Variants in GPR149 observed in about 807,000 individuals in gnomAD.
GPR149 encodes the protein probable G protein-coupled receptor 149.
GPR149 carries 50 observed loss-of-function variants against 50.2 expected under a neutral mutation model. The ratio of observed to expected loss-of-function variants is 1.00; its 90% CI spans 0.79 to 1.26. GPR149 has a LOEUF of 1.26. Ranked by LOEUF, GPR149 falls within the 50% of genes most tolerant of loss-of-function variation. The pLI, the probability that GPR149 is intolerant of heterozygous loss-of-function variation, is 0.00. For synonymous variants in GPR149, 405 were observed against 358.2 expected, an observed-to-expected ratio of 1.13 and a Z score of -1.48; for missense variants, 983 against 895.4, an observed-to-expected ratio of 1.10 and a Z score of -1.25.
At chr3:154,351,220 C>T (rs1714068814) in intron 3 of GPR149, among the ~76,000 whole-genome samples, 1 of 143,082 alleles carries the variant, frequency 7.0e-6, no homozygotes, top group Non-Finnish European at 1.5e-5. Flanking sequence ...TCAAATATAC[C>T]CAACTGACTT....
In GPR149 at chr3:154,429,832, A is replaced by C; in HGVS notation, c.-217T>G. 2.4e-6 allele frequency: 1 copy of C among 425,344 alleles called. No homozygotes were observed. Among genetic ancestry groups the C allele is most frequent in the Non-Finnish European group, 4.1e-6 (1 of 242,540 alleles). The allele number at this position is 425,344 out of a possible 1,614,324, so 26.3% of individuals were successfully genotyped here. Reference sequence around the variant, plus strand: ...TTCCATTTCAAGCATAAAAAAAAAAAAACCCGAACAGATAACTTTTCAACA... The same window carrying C: ...TTCCATTTCAAGCATAAAAAAAAAACAACCCGAACAGATAACTTTTCAACA... On this transcript the variant is annotated 5_prime_UTR_variant, in exon 1 of 4. Transcript: ENST00000389740.
rs1713643353 is a variant in GPR149 at position 154,335,784 on chromosome 3, C to T, written c.*1915G>A. 6.6e-6 allele frequency: 1 copy of T among 150,388 alleles called. No individual in the cohort carries two copies. Among genetic ancestry groups the T allele is most frequent in the African/African-American group, 2.5e-5 (1 of 39,834 alleles). 9.3% of individuals were successfully genotyped at this position (150,388 alleles called of 1,614,324 possible). On this transcript the variant is annotated 3_prime_UTR_variant, in exon 4 of 4. Transcript: ENST00000389740. ...GTGCAGTTATAAAGAATTTGTTTGC[C>T]TTCAAATCTTTGCTATTTTCTTCAG...
At chr3:154,351,338 A>T (rs1310916652) in intron 3 of GPR149, among the ~76,000 whole-genome samples, 3 of 149,004 alleles carry the variant, frequency 2.0e-5, no homozygotes, top group Non-Finnish European at 4.5e-5. Flanking sequence ...AAAAAAAAAA[A>T]AAAAAAATAA....
intron 3 of GPR149, among the ~76,000 whole-genome samples, chr3:154,372,233 G>C (rs789298): frequency 0.7 from 100,221 of 142,490 alleles, 34,847 homozygotes; most frequent in South Asian, 0.79. Context: ...ACTTACTTTG[G>C]TCCTGGATGA....
In GPR149 at chr3:154,421,038, C is replaced by T. The variant is rs1712127817; in HGVS notation, c.1623+1G>A. 3 of 1,590,834 alleles carry T rather than the reference C, an allele frequency of 1.9e-6. No individual in the cohort carries two copies. The highest frequency in any genetic ancestry group is 2.6e-6 in the Non-Finnish European group (3 of 1,169,368). ...AACAGCAAGAACAACTTTTACTGTA[C>T]CTGACGAGGGGTTCTTTCTGATTTA... On this transcript the variant is annotated splice_donor_variant, in intron 3 of 3. Coordinates refer to ENST00000389740, the MANE Select transcript of GPR149 (RefSeq NM_001038705.3). LOFTEE classifies it high-confidence loss of function.
chr3:154,426,418 T>C (rs1164369579), intron 2 of GPR149, among the ~76,000 whole-genome samples: 1 of 152,192 alleles, frequency 6.6e-6, no homozygotes, highest in South Asian at 2.1e-4. Context: ...CTCTAGATTT[T>C]GCAACCCTAA....
rs1335341362 is a variant in GPR149 at position 154,418,321 on chromosome 3, A to C, written c.1623+2718T>G. 4.8e-5 allele frequency among the ~76,000 whole-genome samples: 5 copies of C among 104,040 alleles called. No homozygotes were observed. In the East Asian group the frequency reaches 9.6e-4, roughly 20 times the overall value. 68.3% of individuals were successfully genotyped at this position (104,040 alleles called of 152,430 possible). A position where few individuals can be genotyped will look rare whatever the true frequency, so the allele number is the denominator to read the frequency against. On this transcript the variant is annotated intron_variant, in intron 3 of 3. Transcript: ENST00000389740. The stretch of plus-strand genomic sequence containing the variant: ...CCAGCCATCCCATTACTGGGTATAT[A>C]CCCAAAGGACTATAAATCATGCTGC...
chr3:154,416,083 C>T (rs1053328551), intron 3 of GPR149, among the ~76,000 whole-genome samples: 4 of 151,634 alleles, frequency 2.6e-5, no homozygotes, highest in Non-Finnish European at 4.4e-5. Flanking sequence ...ACACTGTTCT[C>T]GTTTTTTAAA....
At chr3:154,362,295 A>AG (rs1714427115) in intron 3 of GPR149, among the ~76,000 whole-genome samples, 2 of 151,204 alleles carry the variant, frequency 1.3e-5, no homozygotes, top group Non-Finnish European at 3.0e-5. Flanking sequence ...TCTCAAAAAA[A>AG]AAAAAAAAAA....
chr3:154,357,655 G>C (rs1380597176), intron 3 of GPR149, among the ~76,000 whole-genome samples: 1 of 152,214 alleles, frequency 6.6e-6, no homozygotes, highest in Non-Finnish European at 1.5e-5. Context: ...TGCTAGAGAG[G>C]ATGTGGAGAA....
rs1291266695 is a variant in GPR149, at chr3:154,421,462, A to G, written c.1200T>C (p.Asn400=). ...KKIKRKGFEF[N]LSFQKSYGIY... Reference sequence around the variant, plus strand: ...TCCCATAACTTTTTTGGAATGATAGATTGAATTCAAAGCCTTTTCTCTTGA... The same window carrying G: ...TCCCATAACTTTTTTGGAATGATAGGTTGAATTCAAAGCCTTTTCTCTTGA... Residue 400 remains asparagine, a synonymous_variant, in exon 3 of 4, where the codon AAT becomes AAC. Transcript: ENST00000389740. The G allele has an allele frequency of 1.9e-6, 3 of 1,585,300 alleles. No homozygotes were observed. The highest frequency in any genetic ancestry group is 2.6e-6 in the Non-Finnish European group (3 of 1,166,356).
At chr3:154,426,662 T>C (rs1712310816) in intron 2 of GPR149, among the ~76,000 whole-genome samples, 1 of 152,176 alleles carries the variant, frequency 6.6e-6, no homozygotes, top group South Asian at 2.1e-4. Context: ...ACTTTTCTTG[T>C]CTTAGCATAT....
In GPR149 at chr3:154,345,812, A is replaced by G. The variant is rs1207364841; in HGVS notation, c.1624-7541T>C. Among the ~76,000 whole-genome samples, 5 of 152,190 alleles carry G rather than the reference A, an allele frequency of 3.3e-5. No homozygotes were observed. In the East Asian group the frequency reaches 9.6e-4, roughly 29 times the overall value. ...AATCATTCAATTTTAGAAAGACATT[A>G]TATAGCATCTAGGATCATGGCACTT... On this transcript the variant is annotated intron_variant, in intron 3 of 3. Coordinates refer to ENST00000389740, the MANE Select transcript of GPR149 (RefSeq NM_001038705.3).
chr3:154,425,782 T>C (rs1712273257), intron 2 of GPR149, among the ~76,000 whole-genome samples: 1 of 152,164 alleles, frequency 6.6e-6, no homozygotes, highest in African/African-American at 2.4e-5. Flanking sequence ...TGAGTGTGAC[T>C]GTTGATTCTG....
chr3:154,343,866 C>T (rs1040625611), intron 3 of GPR149, among the ~76,000 whole-genome samples: 1 of 151,930 alleles, frequency 6.6e-6, no homozygotes, highest in African/African-American at 2.4e-5. Context: ...GTAGTGCCAG[C>T]TACTGCGGAG....
chr3:154,429,008 C>T lies in GPR149; in HGVS notation c.608G>A (p.Gly203Glu). Reference protein sequence around the residue: ...FLSIVYALAFGLLVGLSVPLT... With the variant: ...FLSIVYALAFELLVGLSVPLT... ...TGGGACTGAGAGGCCCACGAGGAGT[C>T]CGAAGGCCAAAGCGTACACGATAGA... Residue 203 changes from glycine (G) to glutamate (E), a missense_variant, in exon 1 of 4, where the codon GGA becomes GAA. Physicochemically the swap from Gly to Glu is moderately conservative, Grantham distance 98. Coordinates refer to ENST00000389740, the MANE Select transcript of GPR149 (RefSeq NM_001038705.3). The T allele has an allele frequency of 3.7e-6, 6 of 1,614,024 alleles. No individual in the cohort carries two copies. Among genetic ancestry groups the T allele is most frequent in the Non-Finnish European group, 4.2e-6 (5 of 1,180,014 alleles).
chr3:154,345,532 G>A (rs1713906136), intron 3 of GPR149, among the ~76,000 whole-genome samples: 1 of 152,058 alleles, frequency 6.6e-6, no homozygotes, highest in Non-Finnish European at 1.5e-5. Flanking sequence ...TAGGTGGCAA[G>A]GAGCTTTTTA....
Position 154,428,908 on chromosome 3 carries a change from A to C in GPR149, c.708T>G (p.Ala236=), listed in dbSNP as rs1235123337. 2.5e-6 allele frequency: 4 copies of C among 1,613,934 alleles called. No individual in the cohort carries two copies. Among genetic ancestry groups the C allele is most frequent in the Non-Finnish European group, 3.4e-6 (4 of 1,179,980 alleles). Residue 236 remains alanine, a synonymous_variant, in exon 1 of 4, where the codon GCT becomes GCG. Transcript: ENST00000389740. ...CAGTAGGAGGGGTCCCAGGAATTGA[A>C]GCTCCACGGGAAATTTCCTGGTAGT... ...HSNYQEISRG[A]SIPGTPPTAG...
intron 3 of GPR149, among the ~76,000 whole-genome samples, chr3:154,417,705 T>C (rs1576929297): frequency 6.6e-6 from 1 of 152,028 alleles, no homozygotes; most frequent in Non-Finnish European, 1.5e-5. Flanking sequence ...ACGATACATA[T>C]GTTAACATTG....
Sources: gnomAD v4.1 joint callset for allele counts (sites outside exome capture counted in the v4.1 genomes callset) on GRCh38, gnomAD v4.1.1 for gene constraint, MANE v1.5 for transcripts, NCBI Gene and HGNC (gene_info 2026-07-23, HGNC 2026-07-21) for gene names.